The following SMIM36 variants were observed in gnomAD, a reference collection of about 807,000 sequenced individuals.
SMIM36 encodes the protein small integral membrane protein 36.
chr17:55,523,958 G>T, the SMIM36 span, among the ~76,000 whole-genome samples: 1 of 151,722 alleles, frequency 6.6e-6, no homozygotes. Context: ...GGGTACACGT[G>T]CAGGTTTGTT....
chr17:55,525,658 C>T, the SMIM36 span, among the ~76,000 whole-genome samples: 1 of 152,144 alleles, frequency 6.6e-6, no homozygotes, highest in East Asian at 1.9e-4. Flanking sequence ...GTGTGATAGA[C>T]ATTTATTGAT....
chr17:55,488,585 C>G (rs775928380), intron 1 of SMIM36, among the ~76,000 whole-genome samples: 17 of 152,242 alleles, frequency 1.1e-4, no homozygotes, highest in Non-Finnish European at 2.2e-4. Flanking sequence ...TGATTATTAG[C>G]CTATTACAAT....
chr17:55,452,671 T>G (rs775795089), intron 4 of SMIM36, among the ~76,000 whole-genome samples: 89 of 152,338 alleles, frequency 5.8e-4, no homozygotes, highest in Non-Finnish European at 8.4e-4. Context: ...TTGTCATCAC[T>G]TGGCTCACAT....
the SMIM36 span, among the ~76,000 whole-genome samples, chr17:55,520,192 A>G: frequency 6.6e-6 from 1 of 152,152 alleles, no homozygotes; most frequent in Non-Finnish European, 1.5e-5. Flanking sequence ...CTGTGTGTGT[A>G]AAATCTCCTT....
chr17:55,458,393 A>G (rs1186585411), intron 4 of SMIM36: 1 of 152,196 alleles, frequency 6.6e-6, no homozygotes, highest in African/African-American at 2.4e-5. Context: ...GTCTCTTTAA[A>G]TAATAGGAAA....
chr17:55,500,464 C>A (rs1262377604), intron 1 of SMIM36, among the ~76,000 whole-genome samples: 1 of 151,888 alleles, frequency 6.6e-6, no homozygotes, highest in African/African-American at 2.4e-5. Context: ...GATTCTAAGG[C>A]TTCATTTTAT....
chr17:55,522,513 G>C, the SMIM36 span, among the ~76,000 whole-genome samples: 1 of 152,186 alleles, frequency 6.6e-6, no homozygotes, highest in African/African-American at 2.4e-5. Flanking sequence ...ATATAGGCAG[G>C]CAAGAGAGTT....
At chr17:55,523,566 A>T in the SMIM36 span, among the ~76,000 whole-genome samples, 1 of 151,824 alleles carries the variant, frequency 6.6e-6, no homozygotes, top group Non-Finnish European at 1.5e-5. Flanking sequence ...GGACAAAGCA[A>T]GGAAGCAGCT....
chr17:55,501,288 ATTTTATAATAT>A, intron 1 of SMIM36, among the ~76,000 whole-genome samples: 1 of 80,208 alleles, frequency 1.2e-5, no homozygotes, highest in African/African-American at 4.6e-5. Context: ...TATATATTAT[ATTTTATAATAT>A]ATATTATGTT....
At chr17:55,508,423 T>G (rs1910117396) in intron 1 of SMIM36, among the ~76,000 whole-genome samples, 1 of 135,058 alleles carries the variant, frequency 7.4e-6, no homozygotes, top group Non-Finnish European at 1.5e-5. Flanking sequence ...TATATATATA[T>G]TCCTAGGAAT....
chr17:55,470,812 C>A (rs12942292), intron 3 of SMIM36, among the ~76,000 whole-genome samples: 52,960 of 151,792 alleles, frequency 0.35, 9,634 homozygotes, highest in Middle Eastern at 0.44. Flanking sequence ...ATCACTCTTA[C>A]CCTGCTCAAC....
intron 1 of SMIM36, among the ~76,000 whole-genome samples, chr17:55,489,569 A>G (rs941595308): frequency 6.6e-6 from 1 of 152,228 alleles, no homozygotes; most frequent in Non-Finnish European, 1.5e-5. Flanking sequence ...TTTAAACTAC[A>G]AAAGAGATCA....
upstream of SMIM36, among the ~76,000 whole-genome samples, chr17:55,514,973 T>A (rs1411588223): frequency 1.3e-5 from 2 of 152,136 alleles, no homozygotes; most frequent in African/African-American, 4.8e-5. Context: ...GGGAGTTTGA[T>A]TATTTCACAG....
the SMIM36 span, chr17:55,526,861 G>A: frequency 6.6e-6 from 1 of 151,984 alleles, no homozygotes; most frequent in Non-Finnish European, 1.5e-5. Flanking sequence ...CTATAATAAT[G>A]CATTTGCTGG....
At chr17:55,491,301 AT>A (rs1412855173) in intron 1 of SMIM36, among the ~76,000 whole-genome samples, 2 of 151,508 alleles carry the variant, frequency 1.3e-5, no homozygotes, top group South Asian at 2.1e-4. Context: ...TCAAATATTA[AT>A]TAAAAAAAGA....
intron 1 of SMIM36, among the ~76,000 whole-genome samples, chr17:55,502,326 C>G (rs1173788773): frequency 8.0e-6 from 1 of 124,908 alleles, no homozygotes; most frequent in Non-Finnish European, 1.7e-5. Context: ...ATGTCCCTGT[C>G]TGACAGCTTT....
At chr17:55,496,629 C>T (rs1281043172) in intron 1 of SMIM36, among the ~76,000 whole-genome samples, 1 of 152,180 alleles carries the variant, frequency 6.6e-6, no homozygotes, top group Non-Finnish European at 1.5e-5. Flanking sequence ...AGAGACTGTT[C>T]TTGCTCCTCT....
intron 1 of SMIM36, among the ~76,000 whole-genome samples, chr17:55,487,724 G>T (rs1164032680): frequency 2.0e-5 from 3 of 152,170 alleles, no homozygotes; most frequent in Non-Finnish European, 4.4e-5. Context: ...CTTCCCTCCA[G>T]CAGTATCACC....
chr17:55,508,008 C>T (rs1350045002), intron 1 of SMIM36, among the ~76,000 whole-genome samples: 1 of 152,170 alleles, frequency 6.6e-6, no homozygotes, highest in African/African-American at 2.4e-5. Context: ...CTTTTACCAA[C>T]ACAAGCCTAA....
Sources: allele counts gnomAD v4.1 joint callset (sites outside exome capture counted in the v4.1 genomes callset), GRCh38; gene constraint gnomAD v4.1.1; transcripts MANE v1.5; gene names NCBI Gene and HGNC (gene_info 2026-07-23, HGNC 2026-07-21).